The following SPEN variants were observed in gnomAD, a reference collection of about 807,000 sequenced individuals.
SPEN encodes spen family transcriptional repressor.
A neutral mutation model predicts 269.9 loss-of-function variants in SPEN; 18 were observed. That is an observed-to-expected ratio of 0.07 (90% CI 0.05 to 0.10). SPEN has a LOEUF of 0.10. Among genes scored for constraint, SPEN ranks in the 10% least tolerant of loss-of-function variants. The pLI, the probability that SPEN is intolerant of heterozygous loss-of-function variation, is 1.00. For missense variants in SPEN, 3,822 were observed against 4,631.2 expected, an observed-to-expected ratio of 0.83 and a Z score of 5.07; for synonymous variants, 1,726 against 1,765.7, an observed-to-expected ratio of 0.98 and a Z score of 0.56.
rs919351630 is a variant in SPEN, at chr1:15,847,912, T to C, written c.-156T>C. On this transcript the variant is annotated 5_prime_UTR_variant, in exon 1 of 15. Transcript: ENST00000375759. Reference sequence around the variant, plus strand: ...GAACCTGGGGGAGAGGGATGGTCTCTGCACGGGGGGGAGCCGGAGGAGCCG... The same window carrying C: ...GAACCTGGGGGAGAGGGATGGTCTCCGCACGGGGGGGAGCCGGAGGAGCCG... 2.6e-4 allele frequency: 84 copies of C among 321,896 alleles called. No homozygotes were observed. In the East Asian group the frequency reaches 3.6e-3, roughly 14 times the overall value. 19.9% of individuals were successfully genotyped at this position (321,896 alleles called of 1,614,324 possible). A position where few individuals can be genotyped will look rare whatever the true frequency, so the allele number is the denominator to read the frequency against.
At chr1:15,908,059 A>G (rs924484347) in intron 3 of SPEN, among the ~76,000 whole-genome samples, 4 of 152,156 alleles carry the variant, frequency 2.6e-5, no homozygotes, top group Non-Finnish European at 4.4e-5. Context: ...AACATGATCT[A>G]GTAACTTACA....
At chr1:15,895,298 A>G (rs1440919800) in intron 3 of SPEN, among the ~76,000 whole-genome samples, 1 of 152,134 alleles carries the variant, frequency 6.6e-6, no homozygotes, top group Non-Finnish European at 1.5e-5. Flanking sequence ...ACCACTATCC[A>G]TTATCATTAA....
chr1:15,859,769 G>T (rs1265634909), intron 1 of SPEN, among the ~76,000 whole-genome samples: 1 of 152,008 alleles, frequency 6.6e-6, no homozygotes, highest in Non-Finnish European at 1.5e-5. Flanking sequence ...AATGATTTTC[G>T]AGAGGACTTT....
At chr1:15,862,003 C>G (rs940431739) in intron 1 of SPEN, among the ~76,000 whole-genome samples, 5 of 152,194 alleles carry the variant, frequency 3.3e-5, no homozygotes, top group Non-Finnish European at 5.9e-5. Flanking sequence ...GATTGCGCCA[C>G]TTTACTCCAG....
intron 3 of SPEN, among the ~76,000 whole-genome samples, chr1:15,908,864 C>T (rs2070986028): frequency 6.6e-6 from 1 of 151,916 alleles, no homozygotes; most frequent in African/African-American, 2.4e-5. Context: ...TCCTGTGTTC[C>T]ATGTGGTAAC....
At position 15,872,957 on chromosome 1, in the gene SPEN, C is replaced by A; in HGVS notation, c.225C>A (p.Arg75=). ...ACAAAATGGGTGACAGAGACCTACGCACGGATTATAATGAACCAGGCACCA... is the reference window on the plus strand; with the variant it reads ...ACAAAATGGGTGACAGAGACCTACGAACGGATTATAATGAACCAGGCACCA... ...SVNKMGDRDL[R]TDYNEPGTIP... is the part of the protein sequence containing the mutation. The change falls in exon 2 of 15, where the codon CGC becomes CGA. Residue 75 remains arginine, a synonymous_variant. Coordinates refer to ENST00000375759, the MANE Select transcript of SPEN (RefSeq NM_015001.3). The A allele has an allele frequency of 6.2e-7, 1 of 1,614,050 alleles. No homozygotes were observed. The highest frequency in any genetic ancestry group is 8.5e-7 in the Non-Finnish European group (1 of 1,179,986).
rs528592568 is a variant in SPEN, at chr1:15,901,403, G to A, written c.882-7918G>A. ...CATGCCTGTAATGAGCCAGGAGGCC[G>A]AGGTCAGCAGATTGCTTGAGCTCAG... is the stretch of plus-strand genomic sequence containing the variant. On this transcript the variant is annotated intron_variant, in intron 3 of 14. Coordinates refer to ENST00000375759, the MANE Select transcript of SPEN (RefSeq NM_015001.3). Among the ~76,000 whole-genome samples the A allele has an allele frequency of 6.6e-5, 10 of 151,310 alleles. No individual in the cohort carries two copies. The South Asian group carries it at 2.1e-3, about 32-fold the overall frequency.
Position 15,937,098 on chromosome 1 carries a change from G to A in SPEN, c.10027-65G>A. 1 of 1,548,796 alleles carries A rather than the reference G, an allele frequency of 6.5e-7. No homozygotes were observed. Among genetic ancestry groups the A allele is most frequent in the Non-Finnish European group, 8.7e-7 (1 of 1,144,574 alleles). ...TTCCCTGTGGCCCTTTGGGTCATTT[G>A]TTGGTCTCAGGGGCTTGTGCACAAC... On this transcript the variant is annotated intron_variant, in intron 11 of 14. Transcript: ENST00000375759. This position sits in a 1 kb window ranked among gnomAD's most constrained non-coding sequence, Gnocchi z 5.7.
intron 1 of SPEN, among the ~76,000 whole-genome samples, chr1:15,850,803 G>A (rs1285859876): frequency 6.6e-6 from 1 of 152,138 alleles, no homozygotes; most frequent in East Asian, 1.9e-4. Flanking sequence ...AAAATGAAAT[G>A]GTATTCACTT....
chr1:15,933,643 C>G lies in SPEN; in HGVS notation c.7403C>G (p.Pro2468Arg). Residue 2468 changes from proline (P) to arginine (R), a missense_variant, in exon 11 of 15, where the codon CCC (proline) becomes CGC (arginine). Coordinates refer to ENST00000375759, the MANE Select transcript of SPEN (RefSeq NM_015001.3). This position sits in a 1 kb window ranked among gnomAD's most constrained non-coding sequence, Gnocchi z 5.7. ...ACCCCACCCAGCGATCCAAGCATCCCCATACCCACACTGCCTTCTGTAACT... is the reference window on the plus strand; with the variant it reads ...ACCCCACCCAGCGATCCAAGCATCCGCATACCCACACTGCCTTCTGTAACT... ...PVTPPSDPSI[P>R]IPTLPSVTAA... The G allele has an allele frequency of 6.2e-7, 1 of 1,614,166 alleles. No homozygotes were observed. Among genetic ancestry groups the G allele is most frequent in the South Asian group, 1.1e-5 (1 of 91,082 alleles).
intron 1 of SPEN, among the ~76,000 whole-genome samples, chr1:15,856,286 G>A (rs2070386280): frequency 6.6e-6 from 1 of 151,828 alleles, no homozygotes; most frequent in Non-Finnish European, 1.5e-5. Context: ...CACCGTGCCC[G>A]GCCAGATGTT....
chr1:15,932,656 G>C lies in SPEN; in HGVS notation c.6416G>C (p.Ser2139Thr), dbSNP rs199976515. 299 of 1,613,452 alleles carry C rather than the reference G, an allele frequency of 1.9e-4. 1 individual carries two copies. The highest frequency in any genetic ancestry group is 5.0e-5 in the Admixed American group (3 of 59,910). The change falls in exon 11 of 15, where the codon AGT becomes ACT. Residue 2139 changes from serine to threonine, a missense_variant. Transcript: ENST00000375759. This position sits in a 1 kb window ranked among gnomAD's most constrained non-coding sequence, Gnocchi z 4.2. ...GATGGTTTATCATCCCAGTTGAAAAGTGATCCAGTTGATCCAGACAAGGAA... is the reference window on the plus strand; with the variant it reads ...GATGGTTTATCATCCCAGTTGAAAACTGATCCAGTTGATCCAGACAAGGAA... ...KEDGLSSQLK[S>T]DPVDPDKEPE... is the part of the protein sequence containing the mutation.
intron 3 of SPEN, among the ~76,000 whole-genome samples, chr1:15,877,085 G>A (rs938044780): frequency 6.6e-5 from 10 of 152,142 alleles, no homozygotes; most frequent in African/African-American, 2.4e-4. Flanking sequence ...ATGTATTGGT[G>A]AAATATAATA....
At chr1:15,852,589 G>A (rs967423221) in intron 1 of SPEN, among the ~76,000 whole-genome samples, 5 of 152,116 alleles carry the variant, frequency 3.3e-5, no homozygotes, top group African/African-American at 7.2e-5. Context: ...ATAGTGTTTC[G>A]CTTGTGTGGA....
At chr1:15,897,625 G>A (rs563110972) in intron 3 of SPEN, among the ~76,000 whole-genome samples, 7 of 151,564 alleles carry the variant, frequency 4.6e-5, no homozygotes, top group African/African-American at 1.7e-4. Flanking sequence ...GCCTCTCAAA[G>A]TGCTGGGATT....
intron 1 of SPEN, among the ~76,000 whole-genome samples, chr1:15,860,378 GGTGTGTGTGTGTGTGTGTGTGTGT>G (rs60005872): frequency 1.7e-5 from 2 of 121,162 alleles, no homozygotes; most frequent in African/African-American, 3.2e-5. Context: ...TAGCTTCAGA[GGTGTGTGTGTGTGTGTGTGTGTGT>G]GTGTGTGTGT....
In SPEN at chr1:15,939,389, A is replaced by G. The variant is rs762675392; in HGVS notation, c.10957A>G (p.Ile3653Val). Residue 3653 changes from isoleucine to valine, a missense_variant, in exon 15 of 15, where the codon ATC becomes GTC. Physicochemically the swap from Ile to Val is conservative, Grantham distance 29. Around this residue, in one of 16 missense-constraint regions of SPEN, gnomAD observed 103 missense variants for 215.8 expected, o/e 0.48. Coordinates refer to ENST00000375759, the MANE Select transcript of SPEN (RefSeq NM_015001.3). This position sits in a 1 kb window ranked among gnomAD's most constrained non-coding sequence, Gnocchi z 4.1. ...APDLLASISN[I>V]SPHLMIVIAS... Reference sequence around the variant, plus strand: ...TGACCTCCTTGCCAGCATCTCCAACATCTCTCCCCACCTCATGATTGTCAT... The same window carrying G: ...TGACCTCCTTGCCAGCATCTCCAACGTCTCTCCCCACCTCATGATTGTCAT... 1.2e-6 allele frequency: 2 copies of G among 1,605,090 alleles called. No individual in the cohort carries two copies. Among genetic ancestry groups the G allele is most frequent in the South Asian group, 1.1e-5 (1 of 89,402 alleles).
intron 9 of SPEN, among the ~76,000 whole-genome samples, chr1:15,922,019 A>G (rs1032763736): frequency 3.3e-5 from 5 of 152,158 alleles, no homozygotes. Flanking sequence ...CTCCTTCACA[A>G]TTGGGTTTGA....
chr1:15,865,122 G>C (rs1010124981), intron 1 of SPEN, among the ~76,000 whole-genome samples: 1 of 151,966 alleles, frequency 6.6e-6, no homozygotes, highest in Non-Finnish European at 1.5e-5. Context: ...TGAGATCTCA[G>C]CTTACCGCAA....
Sources: allele counts gnomAD v4.1 joint callset (sites outside exome capture counted in the v4.1 genomes callset), GRCh38; gene constraint gnomAD v4.1.1; regional missense constraint gnomAD v4.1.1; non-coding constraint Gnocchi (gnomAD v3.1); transcripts MANE v1.5; gene names NCBI Gene and HGNC (gene_info 2026-07-23, HGNC 2026-07-21).